The following GRIN2B variants were observed in gnomAD, a reference collection of about 807,000 sequenced individuals.
GRIN2B encodes glutamate receptor ionotropic, NMDA 2B.
Under a neutral mutation model 114.5 loss-of-function variants are expected in GRIN2B, and 5 were observed. The ratio of observed to expected loss-of-function variants is 0.04; its 90% confidence interval spans 0.02 to 0.09. GRIN2B has a LOEUF of 0.09. Ranked by LOEUF, GRIN2B falls within the 10% of genes least tolerant of loss-of-function variation. The probability of loss-of-function intolerance (pLI) is 1.00; values close to 1 mark genes in which losing one functional copy is unlikely to be tolerated. For synonymous variants in GRIN2B, 787 were observed against 745.1 expected (o/e 1.06, Z -0.92); for missense variants, 1,108 against 1,943.5 (o/e 0.57, Z 8.08).
intron 3 of GRIN2B, among the ~76,000 whole-genome samples, chr12:13,816,515 T>A (rs1864826504): frequency 1.3e-5 from 2 of 152,170 alleles, no homozygotes; most frequent in Non-Finnish European, 2.9e-5. Flanking sequence ...CCAGCAGGCT[T>A]TTTTGGAGCC....
intron 2 of GRIN2B, among the ~76,000 whole-genome samples, chr12:13,908,181 T>C (rs990175312): frequency 6.6e-6 from 1 of 151,106 alleles, no homozygotes; most frequent in Admixed American, 6.6e-5. Context: ...ACCATCTCTA[T>C]CATCCAAGAA....
chr12:13,739,827 G>A (rs1022374305), intron 4 of GRIN2B, among the ~76,000 whole-genome samples: 6 of 152,164 alleles, frequency 3.9e-5, no homozygotes, highest in Non-Finnish European at 8.8e-5. Flanking sequence ...ACTAAATCAT[G>A]CTATGAAGAG....
intron 3 of GRIN2B, among the ~76,000 whole-genome samples, chr12:13,817,555 A>G (rs1006358306): frequency 1.2e-4 from 18 of 152,134 alleles, no homozygotes; most frequent in African/African-American, 4.3e-4. Flanking sequence ...GCAAAAATGC[A>G]AAAAAGCATT....
intron 3 of GRIN2B, among the ~76,000 whole-genome samples, chr12:13,836,268 G>C (rs561427207): frequency 1.3e-5 from 2 of 152,328 alleles, no homozygotes; most frequent in South Asian, 4.1e-4. Flanking sequence ...TGTGCCGTTG[G>C]GGAAGTGAAC....
intron 10 of GRIN2B, among the ~76,000 whole-genome samples, chr12:13,586,077 A>G (rs1039800826): frequency 5.9e-5 from 9 of 152,180 alleles, no homozygotes; most frequent in African/African-American, 1.7e-4. Flanking sequence ...ATGAAGTTCA[A>G]TTTTTCCAGT....
chr12:13,968,778 CT>C (rs1242773616), intron 2 of GRIN2B, among the ~76,000 whole-genome samples: 1 of 152,202 alleles, frequency 6.6e-6, no homozygotes, highest in Non-Finnish European at 1.5e-5. Context: ...GGAATTTCCT[CT>C]TTAACAATGA....
rs754079938 is a variant in GRIN2B, at chr12:13,563,440, C to T, written c.3798G>A (p.Pro1266=). Residue 1266 remains proline, a synonymous_variant, in exon 14 of 14, where the codon CCG becomes CCA. Coordinates refer to ENST00000609686, the MANE Select transcript of GRIN2B (RefSeq NM_000834.5). Reference sequence around the variant, plus strand: ...TTGACGTCACCGCCACTGGGGCAGCCGGCTGGTCCAGTTCCTGCAGGGAGT... The same window carrying T: ...TTGACGTCACCGCCACTGGGGCAGCTGGCTGGTCCAGTTCCTGCAGGGAGT... ...EDNSLQELDQ[P]AAPVAVTSNA... The T allele has an allele frequency of 5.6e-6, 9 of 1,614,040 alleles. No individual in the cohort carries two copies. Among genetic ancestry groups the T allele is most frequent in the African/African-American group, 1.3e-5 (1 of 74,904 alleles).
rs1948273348 is a variant in GRIN2B at position 13,541,077 on chromosome 12, A to C, written c.*21706T>G. Reference sequence around the variant, plus strand: ...ACACACGCATCAGTCATTGTGGCTAAGTGTAATTCTGATGCTGTTGGAGCA... The same window carrying C: ...ACACACGCATCAGTCATTGTGGCTACGTGTAATTCTGATGCTGTTGGAGCA... On this transcript the variant is annotated 3_prime_UTR_variant, in exon 14 of 14. Transcript: ENST00000609686. 1 of 152,286 alleles carries C rather than the reference A, an allele frequency of 6.6e-6. No homozygotes were observed. Among genetic ancestry groups the C allele is most frequent in the African/African-American group, 2.4e-5 (1 of 41,460 alleles). 9.4% of individuals were successfully genotyped at this position (152,286 alleles called of 1,614,324 possible). A position where few individuals can be genotyped will look rare whatever the true frequency, so the allele number is the denominator to read the frequency against.
chr12:13,726,543 A>G (rs1023635686), intron 4 of GRIN2B, among the ~76,000 whole-genome samples: 2 of 145,044 alleles, frequency 1.4e-5, no homozygotes, highest in South Asian at 4.2e-4. Context: ...AAAAAAAAGA[A>G]AGAAATATAT....
chr12:13,791,443 C>T (rs1258949934), intron 3 of GRIN2B, among the ~76,000 whole-genome samples: 10 of 138,606 alleles, frequency 7.2e-5, no homozygotes, highest in Non-Finnish European at 1.6e-4. Context: ...CAGAGCGAGA[C>T]TCTGTCTCAA....
At chr12:13,585,734 G>A (rs1248801671) in intron 10 of GRIN2B, among the ~76,000 whole-genome samples, 1 of 152,218 alleles carries the variant, frequency 6.6e-6, no homozygotes, top group Non-Finnish European at 1.5e-5. Context: ...AATGCCAGTT[G>A]AGCAACTTTC....
intron 4 of GRIN2B, among the ~76,000 whole-genome samples, chr12:13,712,569 T>C (rs1950424252): frequency 6.6e-6 from 1 of 151,784 alleles, no homozygotes; most frequent in Admixed American, 6.6e-5. Flanking sequence ...CATATACTGA[T>C]AGAGGTGTGG....
intron 2 of GRIN2B, among the ~76,000 whole-genome samples, chr12:13,914,630 T>C (rs533339932): frequency 3.6e-4 from 55 of 152,336 alleles, no homozygotes; most frequent in African/African-American, 1.3e-3. Flanking sequence ...CCTGTAGTCA[T>C]TGTAGCATGA....
chr12:13,721,916 A>T (rs1464222613), intron 4 of GRIN2B, among the ~76,000 whole-genome samples: 2 of 152,256 alleles, frequency 1.3e-5, no homozygotes, highest in East Asian at 1.9e-4. Context: ...AAACTGTCCA[A>T]TAAGATGAGA....
rs778793739 is a variant in GRIN2B at position 13,575,132 on chromosome 12, G to GAGTT, written c.2011-3172_2011-3169dup. Among the ~76,000 whole-genome samples the GAGTT allele has an allele frequency of 7.9e-5, 12 of 152,276 alleles. 1 individual carries two copies. The highest frequency in any genetic ancestry group is 3.4e-3 in the Middle Eastern group (1 of 294). ...TATAGGAGAAAATATTTGTAATCTT[G>GAGTT]AGTTAGACAGAGATTTCTTAGCTAC... On this transcript the variant is annotated intron_variant, in intron 10 of 13. Coordinates refer to ENST00000609686, the MANE Select transcript of GRIN2B (RefSeq NM_000834.5).
chr12:13,592,708 G>C (rs1039937218), intron 10 of GRIN2B, among the ~76,000 whole-genome samples: 3 of 152,064 alleles, frequency 2.0e-5, no homozygotes, highest in African/African-American at 7.2e-5. Flanking sequence ...CTGAGCTCTG[G>C]TGCTTTCCTA....
At chr12:13,905,576 A>T (rs967980951) in intron 2 of GRIN2B, among the ~76,000 whole-genome samples, 2 of 152,044 alleles carry the variant, frequency 1.3e-5, no homozygotes, top group African/African-American at 4.8e-5. Context: ...GTTTTCTTTG[A>T]CTATACTATT....
intron 4 of GRIN2B, among the ~76,000 whole-genome samples, chr12:13,745,255 T>A (rs1398294048): frequency 6.6e-6 from 1 of 152,096 alleles, no homozygotes; most frequent in Non-Finnish European, 1.5e-5. Context: ...TTCTGGCAAC[T>A]CATCCCCATC....
chr12:13,773,650 T>C (rs1863949082), intron 3 of GRIN2B, among the ~76,000 whole-genome samples: 1 of 152,196 alleles, frequency 6.6e-6, no homozygotes, highest in Non-Finnish European at 1.5e-5. Context: ...AGCCAAGGAT[T>C]CTGTTGAGAA....
Sources: gnomAD v4.1 joint callset for allele counts (sites outside exome capture counted in the v4.1 genomes callset) on GRCh38, gnomAD v4.1.1 for gene constraint, MANE v1.5 for transcripts, NCBI Gene and HGNC (gene_info 2026-07-23, HGNC 2026-07-21) for gene names.